Variants in KNTC1 observed in about 807,000 individuals in gnomAD.
KNTC1 encodes the protein kinetochore-associated protein 1.
In KNTC1, 253 loss-of-function variants were observed where a neutral mutation model predicts 314.4. The observed-to-expected ratio is 0.80, with a 90% CI of 0.73 to 0.89. KNTC1 has a LOEUF of 0.89. Among genes scored for constraint, KNTC1 ranks in the 40% least tolerant of loss-of-function variants. The pLI, the probability that KNTC1 is intolerant of heterozygous loss-of-function variation, is 0.00. For synonymous variants in KNTC1, 901 were observed against 901.4 expected (o/e 1.00, Z 0.01); for missense variants, 2,475 against 2,572.9 (o/e 0.96, Z 0.82).
intron 52 of KNTC1, among the ~76,000 whole-genome samples, chr12:122,610,089 A>G (rs1156416219): frequency 6.6e-6 from 1 of 152,126 alleles, no homozygotes; most frequent in South Asian, 2.1e-4. Context: ...TGGAAAGACA[A>G]CCCCAAGAAA....
At chr12:122,617,458 A>G (rs1480965175) in intron 57 of KNTC1, 2 of 440,128 alleles carry the variant, frequency 4.5e-6, no homozygotes, top group East Asian at 7.4e-5. Context: ...TCCTGAGCTG[A>G]AACAATCCTC....
intron 53 of KNTC1, among the ~76,000 whole-genome samples, chr12:122,612,071 G>GTT (rs537150214): frequency 4.2e-5 from 6 of 143,348 alleles, no homozygotes; most frequent in Admixed American, 7.0e-5. Context: ...TTTTTTTTGT[G>GTT]TTTTTTTTTT....
intron 37 of KNTC1, among the ~76,000 whole-genome samples, chr12:122,586,286 T>C (rs1869286075): frequency 6.6e-6 from 1 of 152,182 alleles, no homozygotes; most frequent in East Asian, 1.9e-4. Context: ...TTCACCATGT[T>C]GGCCAGGCTG....
chr12:122,564,168 G>A (rs979513597), intron 20 of KNTC1, among the ~76,000 whole-genome samples: 1 of 151,992 alleles, frequency 6.6e-6, no homozygotes, highest in Admixed American at 6.6e-5. Flanking sequence ...AGTAGAGACG[G>A]TGTTTCACCA....
At chr12:122,590,229 T>G (rs887031291) in intron 40 of KNTC1, among the ~76,000 whole-genome samples, 3 of 152,122 alleles carry the variant, frequency 2.0e-5, no homozygotes, top group Non-Finnish European at 4.4e-5. Context: ...TCATTTCATA[T>G]TTTGTATATA....
intron 30 of KNTC1, among the ~76,000 whole-genome samples, 185 bp downstream of exon 30, chr12:122,577,214 T>G (rs1256703882): frequency 1.3e-5 from 2 of 152,200 alleles, no homozygotes; most frequent in Non-Finnish European, 2.9e-5. Flanking sequence ...CCTCCCAAAG[T>G]GCTGAGATTA....
intron 18 of KNTC1, among the ~76,000 whole-genome samples, chr12:122,558,368 G>A (rs2137824354): frequency 6.6e-6 from 1 of 152,110 alleles, no homozygotes; most frequent in East Asian, 1.9e-4. Flanking sequence ...CCAATATGGT[G>A]AGACCTCATG....
At chr12:122,603,292 T>C in intron 48 of KNTC1, 49 bp downstream of exon 48, 1 of 1,090,138 alleles carries the variant, frequency 9.2e-7, no homozygotes. Context: ...AAAAAAGTAC[T>C]CTTTTTGCAT....
At chr12:122,528,328 T>C (rs1276404863) in intron 1 of KNTC1, among the ~76,000 whole-genome samples, 10 of 152,250 alleles carry the variant, frequency 6.6e-5, no homozygotes, top group Admixed American at 2.0e-4. Context: ...CCCTTGCTTA[T>C]GCTCTTAGGA....
At chr12:122,623,788 C>T (rs969726768) in intron 62 of KNTC1, among the ~76,000 whole-genome samples, 1 of 152,086 alleles carries the variant, frequency 6.6e-6, no homozygotes, top group African/African-American at 2.4e-5. Context: ...TAATTCTGGC[C>T]GGGCGCAGTG....
chr12:122,565,242 T>TTG (rs1964247077), intron 20 of KNTC1, among the ~76,000 whole-genome samples: 1 of 131,060 alleles, frequency 7.6e-6, no homozygotes, highest in Non-Finnish European at 1.7e-5. Context: ...CTTGAGTTGT[T>TTG]TTTTTTTTTT....
Position 122,615,534 on chromosome 12 carries a change from G to A in KNTC1, c.6030+8G>A. 1.3e-6 allele frequency: 2 copies of A among 1,518,652 alleles called. No homozygotes were observed. Among genetic ancestry groups the A allele is most frequent in the Non-Finnish European group, 1.8e-6 (2 of 1,126,916 alleles). The allele number at this position is 1,518,652 out of a possible 1,614,324, so 94.1% of individuals were successfully genotyped here. On this transcript the variant is annotated splice_region_variant and intron_variant, in intron 57 of 63. Coordinates refer to ENST00000333479, the MANE Select transcript of KNTC1 (RefSeq NM_014708.6). ...ATCCATTCTTTATGGCAGGTATGTA[G>A]TTTTTTAAAATAAATTTTATTGAAT...
chr12:122,535,231 GA>G (rs1371041824), intron 3 of KNTC1, among the ~76,000 whole-genome samples: 59 of 152,306 alleles, frequency 3.9e-4, no homozygotes, highest in African/African-American at 1.3e-3. Flanking sequence ...GTGGATTTGA[GA>G]GTGAATTAAA....
chr12:122,594,409 A>G (rs768584804), intron 43 of KNTC1, 24 bp downstream of exon 43: 3 of 1,305,192 alleles, frequency 2.3e-6, no homozygotes, highest in East Asian at 2.3e-5. Context: ...CATTAACGGT[A>G]TTTTTGCTGT....
At chr12:122,613,381 G>A in intron 54 of KNTC1, 151 bp downstream of exon 54, 1 of 662,652 alleles carries the variant, frequency 1.5e-6, no homozygotes, top group East Asian at 2.8e-5. Context: ...TTTTGGCAAA[G>A]GGAAAATAGG....
At chr12:122,547,686 G>C (rs1041703494) in intron 11 of KNTC1, among the ~76,000 whole-genome samples, 156 bp downstream of exon 11, 3 of 152,344 alleles carry the variant, frequency 2.0e-5, no homozygotes, top group Non-Finnish European at 4.4e-5. Context: ...ACTGGGAACA[G>C]TTAGGCAATA....
At chr12:122,609,552 A>G (rs1402755409) in intron 52 of KNTC1, 122 bp downstream of exon 52, 3 of 635,100 alleles carry the variant, frequency 4.7e-6, no homozygotes, top group African/African-American at 3.8e-5. Context: ...GTCAGAGTCT[A>G]TGAGATGAAT....
At chr12:122,532,719 A>G (rs1961461130) in intron 2 of KNTC1, among the ~76,000 whole-genome samples, 1 of 152,200 alleles carries the variant, frequency 6.6e-6, no homozygotes, top group South Asian at 2.1e-4. Flanking sequence ...AGGAACTTGG[A>G]CATAAGATGG....
rs2137922452 is a variant in KNTC1 at position 122,572,963 on chromosome 12, A to G, written c.2046A>G (p.Val682=). 6.3e-7 allele frequency: 1 copy of G among 1,596,764 alleles called. No homozygotes were observed. ...AAGATTATCAGAACACAGAGGAAGT[A>G]TGTCAGCTAAGGACTTTGGTAAATA... The part of the protein sequence containing the change: ...SLKDYQNTEE[V]CQLRTLVNNL... The change falls in exon 25 of 64, where the codon GTA becomes GTG. Residue 682 remains valine (V), a synonymous_variant. Transcript: ENST00000333479.
Sources: gnomAD v4.1 joint callset for allele counts (sites outside exome capture counted in the v4.1 genomes callset) on GRCh38, gnomAD v4.1.1 for gene constraint, MANE v1.5 for transcripts, NCBI Gene and HGNC (gene_info 2026-07-23, HGNC 2026-07-21) for gene names.